Variants in TIMM17A observed in about 807,000 individuals in gnomAD.
The protein encoded by TIMM17A is mitochondrial import inner membrane translocase subunit Tim17-A.
Under a neutral mutation model 26.5 loss-of-function variants are expected in TIMM17A, and 15 were observed. The ratio of observed to expected loss-of-function variants is 0.57; its 90% CI spans 0.38 to 0.87. The LOEUF (loss-of-function observed/expected upper bound fraction) is 0.87, where lower values mean the gene tolerates loss of function less well. Among genes scored for constraint, TIMM17A ranks in the 40% least tolerant of loss-of-function variants. The probability of loss-of-function intolerance (pLI) is 0.00; values close to 1 mark genes in which losing one functional copy is unlikely to be tolerated. For missense variants in TIMM17A, 201 were observed against 210.0 expected (o/e 0.96, Z 0.27); for synonymous variants, 80 against 70.8 (o/e 1.13, Z -0.66).
At position 201,965,550 on chromosome 1, in the gene TIMM17A, CTT is replaced by C. The variant is rs779876049; in HGVS notation, c.430+11_430+12del. The stretch of plus-strand genomic sequence containing the variant: ...TCTGCACAGTTTCCCAATGGTGAGT[CTT>C]TTTGCTTAAAACTATAGCTCAAACA... On this transcript the variant is annotated splice_region_variant and intron_variant, in intron 5 of 5. Transcript: ENST00000367287. 2 of 1,556,638 alleles carry C rather than the reference CTT, an allele frequency of 1.3e-6. No homozygotes were observed. Among genetic ancestry groups the C allele is most frequent in the South Asian group, 2.2e-5 (2 of 89,916 alleles).
intron 5 of TIMM17A, among the ~76,000 whole-genome samples, chr1:201,966,455 G>T (rs1682627616): frequency 6.6e-6 from 1 of 152,028 alleles, no homozygotes; most frequent in Non-Finnish European, 1.5e-5. Flanking sequence ...GGAGTTCAAG[G>T]CCAGCCTGGG....
intron 3 of TIMM17A, chr1:201,958,150 C>T (rs551819896): frequency 6.5e-6 from 1 of 153,336 alleles, no homozygotes; most frequent in Admixed American, 6.5e-5. Context: ...AAAAAAAAAC[C>T]TCAGGTTCGT....
At chr1:201,960,458 G>A (rs1682505050) in intron 3 of TIMM17A, among the ~76,000 whole-genome samples, 1 of 152,062 alleles carries the variant, frequency 6.6e-6, no homozygotes, top group South Asian at 2.1e-4. Context: ...GATGCTCCAT[G>A]CTAATGTAGA....
At chr1:201,962,027 A>T (rs1306488326) in intron 3 of TIMM17A, among the ~76,000 whole-genome samples, 1 of 151,936 alleles carries the variant, frequency 6.6e-6, no homozygotes, top group East Asian at 1.9e-4. Context: ...ACACCAGGCT[A>T]CCCTTTATGG....
intron 5 of TIMM17A, among the ~76,000 whole-genome samples, chr1:201,967,631 C>G (rs1327592663): frequency 6.6e-6 from 1 of 151,914 alleles, no homozygotes; most frequent in Non-Finnish European, 1.5e-5. Context: ...CAGCCTTGAC[C>G]TCCTGGGCTC....
chr1:201,958,187 A>G (rs1263661492), intron 3 of TIMM17A, among the ~76,000 whole-genome samples: 2 of 151,866 alleles, frequency 1.3e-5, no homozygotes, highest in South Asian at 2.1e-4. Flanking sequence ...CTTCTGAGGT[A>G]ACATAAAGCT....
chr1:201,955,945 T>G (rs770735256), intron 1 of TIMM17A, among the ~76,000 whole-genome samples: 2 of 152,206 alleles, frequency 1.3e-5, no homozygotes, highest in Non-Finnish European at 2.9e-5. Context: ...GTTCCTGCGT[T>G]GAGGAACTGA....
At chr1:201,962,038 A>G (rs544315845) in intron 3 of TIMM17A, among the ~76,000 whole-genome samples, 1 of 151,894 alleles carries the variant, frequency 6.6e-6, no homozygotes. Flanking sequence ...CCCTTTATGG[A>G]TCTCCTCCTC....
intron 1 of TIMM17A, among the ~76,000 whole-genome samples, chr1:201,956,251 G>A (rs921622810): frequency 1.3e-5 from 2 of 152,212 alleles, no homozygotes; most frequent in African/African-American, 4.8e-5. Context: ...CAGACACATA[G>A]ATAATTATAA....
chr1:201,956,570 T>C (rs1487871868), intron 1 of TIMM17A, among the ~76,000 whole-genome samples: 1 of 152,210 alleles, frequency 6.6e-6, no homozygotes, highest in Non-Finnish European at 1.5e-5. Context: ...TGTGCTCAGA[T>C]ATGTAGGACT....
At position 201,961,106 on chromosome 1, in the gene TIMM17A, C is replaced by T. The variant is rs148713658; in HGVS notation, c.191-2510C>T. 4.7e-4 allele frequency among the ~76,000 whole-genome samples: 68 copies of T among 144,618 alleles called. 1 individual carries two copies. In the East Asian group the frequency reaches 0.013, roughly 28 times the overall value. The allele number at this position is 144,618 out of a possible 152,430, so 94.9% of individuals were successfully genotyped here. On this transcript the variant is annotated intron_variant, in intron 3 of 5. Transcript: ENST00000367287. The stretch of plus-strand genomic sequence containing the variant: ...TTGAAACGGAATTTCGCTCTTGTTG[C>T]CCAGGCTAGAGTGCAATGGCGCGGT...
At position 201,957,319 on chromosome 1, in the gene TIMM17A, C is replaced by G; in HGVS notation, c.65C>G (p.Thr22Arg). 2 of 1,613,904 alleles carry G rather than the reference C, an allele frequency of 1.2e-6. No individual in the cohort carries two copies. The highest frequency in any genetic ancestry group is 8.5e-7 in the Non-Finnish European group (1 of 1,179,860). ...RIVDDCGGAF[T>R]MGTIGGGIFQ... ...GTGGATGACTGTGGTGGGGCCTTTACGATGGGTACCATTGGTGGTGGTATC... is the reference window on the plus strand; with the variant it reads ...GTGGATGACTGTGGTGGGGCCTTTAGGATGGGTACCATTGGTGGTGGTATC... The change falls in exon 2 of 6, where the codon ACG (threonine) becomes AGG (arginine). Residue 22 changes from threonine to arginine, a missense_variant. By Grantham distance (71) the Thr-to-Arg change is moderately conservative. Transcript: ENST00000367287.
At chr1:201,956,862 A>C (rs780691462) in intron 1 of TIMM17A, among the ~76,000 whole-genome samples, 1 of 150,648 alleles carries the variant, frequency 6.6e-6, no homozygotes, top group African/African-American at 2.4e-5. Flanking sequence ...AGGCTGAGGC[A>C]GGAGAATCAC....
At chr1:201,965,020 C>T (rs531654523) in intron 4 of TIMM17A, among the ~76,000 whole-genome samples, 4 of 152,008 alleles carry the variant, frequency 2.6e-5, no homozygotes, top group East Asian at 1.9e-4. Flanking sequence ...GGCACAATCT[C>T]GGCTCACTGC....
rs764310274 is a variant in TIMM17A, at chr1:201,957,270, C to G, written c.27-11C>G. ...TGAGAAATATGGTCTTTTTTTTCCCCCTGTTCTTAGCCCATGGCGAATTGT... is the reference window on the plus strand; with the variant it reads ...TGAGAAATATGGTCTTTTTTTTCCCGCTGTTCTTAGCCCATGGCGAATTGT... On this transcript the variant is annotated splice_polypyrimidine_tract_variant and intron_variant, in intron 1 of 5. Coordinates refer to ENST00000367287, the MANE Select transcript of TIMM17A (RefSeq NM_006335.3). The G allele has an allele frequency of 7.1e-6, 11 of 1,560,072 alleles. No homozygotes were observed. The Admixed American group carries it at 1.9e-4, about 27-fold the overall frequency.
In TIMM17A at chr1:201,970,552, A is replaced by G. The variant is rs1341992514; in HGVS notation, c.*998A>G. The G allele has an allele frequency of 6.6e-6, 1 of 152,236 alleles. No individual in the cohort carries two copies. The highest frequency in any genetic ancestry group is 1.5e-5 in the Non-Finnish European group (1 of 68,036). The allele number at this position is 152,236 out of a possible 1,614,324, so 9.4% of individuals were successfully genotyped here. Reference sequence around the variant, plus strand: ...ATGTGGGTACTGTAAACACACGTTTATCTTTTGGCCCAATGCCATACATAT... The same window carrying G: ...ATGTGGGTACTGTAAACACACGTTTGTCTTTTGGCCCAATGCCATACATAT... On this transcript the variant is annotated 3_prime_UTR_variant, in exon 6 of 6. Transcript: ENST00000367287.
chr1:201,969,667 G>T lies in TIMM17A; in HGVS notation c.*113G>T. ...ATAGGTGGGACAGCTATGGCCAATA[G>T]GCTATAAAGAGACATTTAGCACTTT... On this transcript the variant is annotated 3_prime_UTR_variant, in exon 6 of 6. Transcript: ENST00000367287. 1 of 805,514 alleles carries T rather than the reference G, an allele frequency of 1.2e-6. No individual in the cohort carries two copies. Among genetic ancestry groups the T allele is most frequent in the Non-Finnish European group, 2.0e-6 (1 of 494,814 alleles). The allele number at this position is 805,514 out of a possible 1,614,324, so 49.9% of individuals were successfully genotyped here. A position where few individuals can be genotyped will look rare whatever the true frequency, so the allele number is the denominator to read the frequency against.
chr1:201,957,716 C>T, intron 3 of TIMM17A, 142 bp downstream of exon 3: 1 of 608,118 alleles, frequency 1.6e-6, no homozygotes, highest in South Asian at 2.8e-5. Context: ...ATAGTTTCTT[C>T]TTGATTTGTA....
In TIMM17A at chr1:201,970,491, A is replaced by G. The variant is rs544518155; in HGVS notation, c.*937A>G. ...GAGGCATGATGTTAGTTAATTACAC[A>G]TTTGCCTACATCTGTGGGAAATGGA... is the stretch of plus-strand genomic sequence containing the variant. On this transcript the variant is annotated 3_prime_UTR_variant, in exon 6 of 6. Coordinates refer to ENST00000367287, the MANE Select transcript of TIMM17A (RefSeq NM_006335.3). 7.2e-5 allele frequency: 11 copies of G among 152,276 alleles called. No homozygotes were observed. In the South Asian group the frequency reaches 2.3e-3, roughly 32 times the overall value. The allele number at this position is 152,276 out of a possible 1,614,324, so 9.4% of individuals were successfully genotyped here. A position where few individuals can be genotyped will look rare whatever the true frequency, so the allele number is the denominator to read the frequency against.
Sources: gnomAD v4.1 joint callset for allele counts (sites outside exome capture counted in the v4.1 genomes callset) on GRCh38, gnomAD v4.1.1 for gene constraint, MANE v1.5 for transcripts, NCBI Gene and HGNC (gene_info 2026-07-23, HGNC 2026-07-21) for gene names.